Variants in TNS1 observed in about 807,000 individuals in gnomAD.
The protein encoded by TNS1 is tensin 1.
Under a neutral mutation model 168.6 loss-of-function variants are expected in TNS1, and 62 were observed. That is an observed-to-expected ratio of 0.37 (90% CI 0.30 to 0.45). The LOEUF (loss-of-function observed/expected upper bound fraction) is 0.45. Ranked by LOEUF, TNS1 falls within the 20% of genes least tolerant of loss-of-function variation. The pLI is 1.00. For synonymous variants in TNS1, 934 were observed against 933.2 expected (o/e 1.00, Z -0.02); for missense variants, 2,240 against 2,339.4 (o/e 0.96, Z 0.88).
At chr2:217,850,468 C>T (rs959315819) in intron 18 of TNS1, 27 of 985,038 alleles carry the variant, frequency 2.7e-5, no homozygotes, top group African/African-American at 7.0e-5. Flanking sequence ...AAAAAGTGAG[C>T]GCTGGGTGGC....
intron 3 of TNS1, among the ~76,000 whole-genome samples, chr2:217,924,051 C>A (rs751630653): frequency 1.3e-5 from 2 of 152,218 alleles, no homozygotes; most frequent in Non-Finnish European, 2.9e-5. Context: ...GACCCAGGCT[C>A]TGCCCTCCTC....
In TNS1 at chr2:217,818,109, A is replaced by G; in HGVS notation, c.4223T>C (p.Leu1408Pro). 1 of 1,613,916 alleles carries G rather than the reference A, an allele frequency of 6.2e-7. No individual in the cohort carries two copies. Among genetic ancestry groups the G allele is most frequent in the Non-Finnish European group, 8.5e-7 (1 of 1,179,948 alleles). Residue 1408 changes from leucine (L) to proline (P), a missense_variant, in exon 24 of 33, where the codon CTC becomes CCC. Coordinates refer to ENST00000682258, the MANE Select transcript of TNS1 (RefSeq NM_001387777.1). ...SPGSPSLGRH[L>P]GGSGSVVPGS... ...GGGAACCACAGATCCAGACCCTCCG[A>G]GGTGACGGCCCAGGCTGGGGCTTCC...
rs1942897344 is a variant in TNS1 at position 217,821,796 on chromosome 2, G to T, written c.3516C>A (p.Gly1172=). Residue 1172 remains glycine, a synonymous_variant, in exon 23 of 33, where the codon GGC becomes GGA. Transcript: ENST00000682258. The part of the protein sequence containing the change: ...EIPLRNGTLG[G]SFVSPSPLST... The stretch of plus-strand genomic sequence containing the variant: ...AGAGGGGGCTGGGGGAGACAAAGGA[G>T]CCACCCAGGGTCCCGTTCCTCAGGG... The T allele has an allele frequency of 6.5e-7, 1 of 1,536,074 alleles. No homozygotes were observed. Among genetic ancestry groups the T allele is most frequent in the South Asian group, 1.3e-5 (1 of 79,784 alleles).
At chr2:217,885,947 C>T in intron 14 of TNS1, 97 bp downstream of exon 14, 1 of 1,561,540 alleles carries the variant, frequency 6.4e-7, no homozygotes. Flanking sequence ...CCTTTCAGCC[C>T]TCTTGAGAAT....
At chr2:217,886,005 T>C (rs1450767426) in intron 14 of TNS1, 39 bp downstream of exon 14, 8 of 1,610,602 alleles carry the variant, frequency 5.0e-6, no homozygotes, top group Non-Finnish European at 5.9e-6. Flanking sequence ...GCCCTGGGCC[T>C]TGGGCTTCTC....
At chr2:218,008,431 C>T (rs567346852) in intron 1 of TNS1, among the ~76,000 whole-genome samples, 1 of 152,224 alleles carries the variant, frequency 6.6e-6, no homozygotes, top group Admixed American at 6.5e-5. Flanking sequence ...TGGGGTCCAA[C>T]TGACCTGGTC....
chr2:217,903,937 T>C (rs1212940120), intron 6 of TNS1: 1 of 360,650 alleles, frequency 2.8e-6, no homozygotes, highest in Non-Finnish European at 4.9e-6. Flanking sequence ...GAGCCCTGCT[T>C]TCCTTTGAGG....
intron 22 of TNS1, chr2:217,830,478 C>T (rs1944259806): frequency 6.7e-7 from 1 of 1,486,098 alleles, no homozygotes. Flanking sequence ...TTCAGTGGCC[C>T]CACATGGCCA....
chr2:217,865,748 G>C (rs1267616031), intron 18 of TNS1, among the ~76,000 whole-genome samples: 1 of 152,176 alleles, frequency 6.6e-6, no homozygotes, highest in East Asian at 1.9e-4. Context: ...GTATTCTGGA[G>C]CCAGGAGTGT....
intron 3 of TNS1, 86 bp from the exon 4 acceptor site, chr2:217,920,322 C>A (rs188221054): frequency 1.4e-6 from 1 of 698,898 alleles, no homozygotes; most frequent in Admixed American, 2.0e-5. Context: ...CACACCTCCC[C>A]CTGCTTCATT....
At chr2:217,958,516 T>A (rs1368041154) in intron 3 of TNS1, among the ~76,000 whole-genome samples, 1 of 152,226 alleles carries the variant, frequency 6.6e-6, no homozygotes, top group Non-Finnish European at 1.5e-5. Context: ...ATGATGACAG[T>A]GGCTTTTCAC....
chr2:217,847,479 G>A (rs755843723), intron 19 of TNS1, 31 bp downstream of exon 19: 50 of 1,398,600 alleles, frequency 3.6e-5, no homozygotes, highest in Admixed American at 4.8e-5. Flanking sequence ...TAAGGAAGGG[G>A]TAGAAGGAGT....
In TNS1 at chr2:217,897,754, A is replaced by T. The variant is rs749887694; in HGVS notation, c.543+44T>A. ...CATGTAGAGGTGGTGAGCAGATGGA[A>T]GCATAGAGGGCACAGGACAGTGGGC... is the stretch of plus-strand genomic sequence containing the variant. On this transcript the variant is annotated intron_variant, in intron 8 of 32. Transcript: ENST00000682258. The T allele has an allele frequency of 3.3e-6, 5 of 1,519,694 alleles. 1 individual carries two copies. In the South Asian group the frequency reaches 6.6e-5, roughly 20 times the overall value. 94.1% of individuals were successfully genotyped at this position (1,519,694 alleles called of 1,614,324 possible).
intron 7 of TNS1, among the ~76,000 whole-genome samples, chr2:217,899,384 G>A (rs1281491789): frequency 6.6e-6 from 1 of 152,148 alleles, no homozygotes; most frequent in Non-Finnish European, 1.5e-5. Context: ...CCTACCCAAG[G>A]ACAGTTCTTG....
chr2:217,829,884 T>A lies in TNS1; in HGVS notation c.3373+1571A>T, dbSNP rs749165543. 6.2e-6 allele frequency: 10 copies of A among 1,613,486 alleles called. 1 individual carries two copies. In the South Asian group the frequency reaches 1.1e-4, roughly 18 times the overall value. ...CCACCACCTTCCCCTCATCTTCCTC[T>A]GAGGGAAGACGAGAAGAGAGGTGGG... On this transcript the variant is annotated intron_variant, in intron 22 of 32. Coordinates refer to ENST00000682258, the MANE Select transcript of TNS1 (RefSeq NM_001387777.1).
intron 30 of TNS1, among the ~76,000 whole-genome samples, chr2:217,809,243 G>A (rs1456258928): frequency 1.2e-5 from 1 of 86,190 alleles, no homozygotes; most frequent in African/African-American, 5.8e-5. Flanking sequence ...ATGGATGGAT[G>A]GATGGATGCA....
intron 4 of TNS1, among the ~76,000 whole-genome samples, chr2:217,911,169 A>G (rs971861832): frequency 3.3e-5 from 5 of 152,178 alleles, no homozygotes; most frequent in Non-Finnish European, 7.4e-5. Flanking sequence ...CCAAAGTGAG[A>G]GCAGCTGACT....
chr2:217,870,466 CT>C (rs1211777123), intron 18 of TNS1, among the ~76,000 whole-genome samples: 2 of 152,186 alleles, frequency 1.3e-5, no homozygotes, highest in Non-Finnish European at 2.9e-5. Flanking sequence ...GCTTAAATTC[CT>C]TTTATTGGAT....
At chr2:218,028,836 C>A (rs1260801416) in intron 1 of TNS1, among the ~76,000 whole-genome samples, 1 of 152,206 alleles carries the variant, frequency 6.6e-6, no homozygotes, top group Admixed American at 6.5e-5. Context: ...GGCCCCTAAG[C>A]ATAGCCTGGG....
Sources: gnomAD v4.1 joint callset for allele counts (sites outside exome capture counted in the v4.1 genomes callset) on GRCh38, gnomAD v4.1.1 for gene constraint, MANE v1.5 for transcripts, NCBI Gene and HGNC (gene_info 2026-07-23, HGNC 2026-07-21) for gene names.